Variants in DDX60L observed in about 807,000 individuals in gnomAD.
The protein encoded by DDX60L is DExD/H-box 60 like, also known as probable ATP-dependent RNA helicase DDX60-like.
A neutral mutation model predicts 211.6 loss-of-function variants in DDX60L; 191 were observed. The ratio of observed to expected loss-of-function variants is 0.90; its 90% CI spans 0.80 to 1.02. The LOEUF (loss-of-function observed/expected upper bound fraction) is 1.02. Ranked by LOEUF, DDX60L falls within the 50% of genes least tolerant of loss-of-function variation. The pLI is 0.00. For synonymous variants in DDX60L, 706 were observed against 694.1 expected (o/e 1.02, Z -0.27); for missense variants, 2,007 against 1,984.1 (o/e 1.01, Z -0.22).
chr4:168,423,446 A>G (rs1476027298), intron 15 of DDX60L, among the ~76,000 whole-genome samples, 162 bp downstream of exon 15: 3 of 152,168 alleles, frequency 2.0e-5, no homozygotes, highest in Non-Finnish European at 4.4e-5. Context: ...CAGCTAGGTT[A>G]TTAATAAGTA....
Position 168,441,370 on chromosome 4 carries a change from G to A in DDX60L, c.1261C>T (p.His421Tyr). The change falls in exon 10 of 38, where the codon CAT becomes TAT. Residue 421 changes from histidine (H) to tyrosine (Y), a missense_variant. Physicochemically the swap from His to Tyr is moderately conservative, Grantham distance 83. Coordinates refer to ENST00000682922, the MANE Select transcript of DDX60L (RefSeq NM_001012967.3). ...KSFPLRTTRR[H>Y]FLRQEKSVIQ... ...ACCGATTTCTCTTGTCTAAGAAAAT[G>A]TCTTCTTGTTGTTCTCAGAGGAAAA... The A allele has an allele frequency of 6.2e-7, 1 of 1,609,992 alleles. No homozygotes were observed.
At chr4:168,412,738 A>G (rs1465382440) in intron 22 of DDX60L, among the ~76,000 whole-genome samples, 1 of 152,208 alleles carries the variant, frequency 6.6e-6, no homozygotes, top group Non-Finnish European at 1.5e-5. Context: ...GCTGTGCTTG[A>G]TTCCATTCTA....
chr4:168,363,051 T>A (rs1328440227), intron 36 of DDX60L, among the ~76,000 whole-genome samples: 1 of 152,136 alleles, frequency 6.6e-6, no homozygotes, highest in Non-Finnish European at 1.5e-5. Context: ...GAATTCTAAA[T>A]GCTGAAGAGA....
rs762880073 is a variant in DDX60L at position 168,472,679 on chromosome 4, C to G, written c.4+17G>C. ...TTGTTGCTTTATAGGCTACAAATAT[C>G]AAAGATTGAGAATTACCCATCGTTG... is the stretch of plus-strand genomic sequence containing the variant. On this transcript the variant is annotated intron_variant, in intron 2 of 37. Transcript: ENST00000682922. 52 of 1,613,050 alleles carry G rather than the reference C, an allele frequency of 3.2e-5. No homozygotes were observed. Among genetic ancestry groups the G allele is most frequent in the Non-Finnish European group, 4.3e-5 (51 of 1,179,498 alleles).
At chr4:168,459,356 G>C (rs943458874) in intron 5 of DDX60L, among the ~76,000 whole-genome samples, 1 of 151,916 alleles carries the variant, frequency 6.6e-6, no homozygotes. Flanking sequence ...TTCTTAAAGA[G>C]AGACCAATCA....
At chr4:168,456,441 T>G (rs1241575867) in intron 6 of DDX60L, among the ~76,000 whole-genome samples, 1 of 152,094 alleles carries the variant, frequency 6.6e-6, no homozygotes, top group Admixed American at 6.5e-5. Flanking sequence ...GGAAATAGAT[T>G]ATTAATAAAA....
intron 37 of DDX60L, among the ~76,000 whole-genome samples, chr4:168,359,001 A>G (rs1738649023): frequency 6.6e-6 from 1 of 152,204 alleles, no homozygotes; most frequent in Non-Finnish European, 1.5e-5. Context: ...CACCCAATTC[A>G]GTGGAAAAAA....
At chr4:168,393,744 A>G (rs983533466) in intron 28 of DDX60L, among the ~76,000 whole-genome samples, 2 of 152,166 alleles carry the variant, frequency 1.3e-5, no homozygotes, top group African/African-American at 4.8e-5. Flanking sequence ...GTTTTTTCCA[A>G]TTCTTAAAAA....
At chr4:168,449,750 G>A (rs1755527837) in intron 8 of DDX60L, among the ~76,000 whole-genome samples, 1 of 133,330 alleles carries the variant, frequency 7.5e-6, no homozygotes, top group African/African-American at 2.9e-5. Context: ...AAGCAATGGT[G>A]AAAAAATAAA....
chr4:168,398,487 C>G (rs1746215449), intron 26 of DDX60L, among the ~76,000 whole-genome samples: 1 of 152,184 alleles, frequency 6.6e-6, no homozygotes. Context: ...GTGCCATGAA[C>G]AGCAGCAGGA....
intron 36 of DDX60L, among the ~76,000 whole-genome samples, chr4:168,368,484 T>C (rs868538985): frequency 1.3e-5 from 2 of 152,218 alleles, no homozygotes; most frequent in African/African-American, 4.8e-5. Flanking sequence ...AGGGCCCCCA[T>C]GGAGAACCTG....
intron 4 of DDX60L, 103 bp from the exon 5 acceptor site, chr4:168,462,143 G>A (rs1229390163): frequency 2.4e-6 from 2 of 849,718 alleles, no homozygotes; most frequent in African/African-American, 3.4e-5. Context: ...CTGAACTCAT[G>A]TGATCTAATT....
At chr4:168,420,917 T>G (rs945651017) in intron 17 of DDX60L, among the ~76,000 whole-genome samples, 7 of 152,274 alleles carry the variant, frequency 4.6e-5, no homozygotes, top group African/African-American at 1.7e-4. Context: ...CTTAAAATTT[T>G]CAGCCCCTAG....
chr4:168,358,344 A>C, intron 37 of DDX60L, 68 bp from the exon 38 acceptor site: 1 of 1,230,134 alleles, frequency 8.1e-7, no homozygotes, highest in African/African-American at 1.6e-5. Context: ...ATATTATTAA[A>C]AGGTTAGCAG....
chr4:168,457,261 T>TATATACACACACACAC, intron 6 of DDX60L, among the ~76,000 whole-genome samples: 1 of 145,312 alleles, frequency 6.9e-6, no homozygotes, highest in African/African-American at 2.6e-5. Flanking sequence ...ATAAACTACA[T>TATATACACACACACAC]ACACACACAC....
intron 22 of DDX60L, among the ~76,000 whole-genome samples, 197 bp downstream of exon 22, chr4:168,415,210 AC>A (rs1749337508): frequency 6.6e-6 from 1 of 152,080 alleles, no homozygotes; most frequent in African/African-American, 2.4e-5. Flanking sequence ...CCCCATATAT[AC>A]AGCTACTTTA....
intron 18 of DDX60L, among the ~76,000 whole-genome samples, chr4:168,419,855 A>T (rs1750196395): frequency 6.6e-6 from 1 of 152,228 alleles, no homozygotes; most frequent in South Asian, 2.1e-4. Context: ...TCTAAGTTAT[A>T]CTGAAATATC....
At chr4:168,411,467 C>A (rs933314964) in intron 22 of DDX60L, among the ~76,000 whole-genome samples, 4 of 152,148 alleles carry the variant, frequency 2.6e-5, no homozygotes, top group African/African-American at 9.7e-5. Flanking sequence ...GTTACCCTGT[C>A]ACAGCGAAAA....
chr4:168,444,242 A>C (rs1281980444), intron 9 of DDX60L, among the ~76,000 whole-genome samples: 1 of 93,392 alleles, frequency 1.1e-5, no homozygotes, highest in Non-Finnish European at 2.1e-5. Context: ...TCTCTGATAA[A>C]ACAGACTTTA....
Sources: allele counts gnomAD v4.1 joint callset (sites outside exome capture counted in the v4.1 genomes callset), GRCh38; gene constraint gnomAD v4.1.1; transcripts MANE v1.5; gene names NCBI Gene and HGNC (gene_info 2026-07-23, HGNC 2026-07-21).